Variants in EPHA6 observed in about 807,000 individuals in gnomAD.
The protein encoded by EPHA6 is EPH receptor A6.
A neutral mutation model predicts 112.0 loss-of-function variants in EPHA6; 50 were observed. That is an observed-to-expected ratio of 0.45 (90% CI 0.36 to 0.56). EPHA6 has a LOEUF of 0.56. Ranked by LOEUF, EPHA6 falls within the 20% of genes least tolerant of loss-of-function variation. EPHA6 has a pLI of 0.00. For missense variants in EPHA6, 1,280 were observed against 1,417.4 expected (o/e 0.90, Z 1.56); for synonymous variants, 529 against 490.7 (o/e 1.08, Z -1.03).
At chr3:97,548,250 T>C (rs866169310) in intron 11 of EPHA6, among the ~76,000 whole-genome samples, 1 of 152,102 alleles carries the variant, frequency 6.6e-6, no homozygotes, top group East Asian at 1.9e-4. Flanking sequence ...ATTATGGTTA[T>C]GCATTTTTGG....
intron 11 of EPHA6, among the ~76,000 whole-genome samples, chr3:97,578,765 T>C (rs1234597098): frequency 6.6e-6 from 1 of 152,226 alleles, no homozygotes; most frequent in Non-Finnish European, 1.5e-5. Context: ...TAACTAGATA[T>C]GCATCATAAA....
chr3:97,644,493 T>G (rs1190320878), intron 14 of EPHA6, among the ~76,000 whole-genome samples: 1 of 151,652 alleles, frequency 6.6e-6, no homozygotes, highest in African/African-American at 2.4e-5. Context: ...AATTAATGAA[T>G]CCAGGAGCTG....
intron 1 of EPHA6, among the ~76,000 whole-genome samples, chr3:96,839,845 ATTATT>A: frequency 6.6e-6 from 1 of 152,230 alleles, no homozygotes; most frequent in African/African-American, 2.4e-5. Context: ...AATCTATTAT[ATTATT>A]AGTATGTTTT....
At chr3:97,251,485 G>A (rs1338804659) in intron 5 of EPHA6, among the ~76,000 whole-genome samples, 1 of 151,758 alleles carries the variant, frequency 6.6e-6, no homozygotes, top group Non-Finnish European at 1.5e-5. Context: ...AGCTGAGATC[G>A]TCCCTCTGCA....
Position 97,305,469 on chromosome 3 carries a change from A to G in EPHA6, c.1606+61182A>G, listed in dbSNP as rs146372451. Among the ~76,000 whole-genome samples the G allele has an allele frequency of 8.8e-3, 1,338 of 152,086 alleles. 20 individuals carry two copies. Among genetic ancestry groups the G allele is most frequent in the African/African-American group, 0.03 (1,260 of 41,502 alleles). On this transcript the variant is annotated intron_variant, in intron 5 of 17. Transcript: ENST00000389672. ...ATAGCAGTGACATGAAATCAACCCA[A>G]ATGCCCATCAATGATAGACTGGATA...
intron 10 of EPHA6, among the ~76,000 whole-genome samples, chr3:97,490,574 A>G (rs1024423272): frequency 6.6e-6 from 1 of 152,170 alleles, no homozygotes; most frequent in Non-Finnish European, 1.5e-5. Context: ...CCTATTTTCA[A>G]AAGAGTTCTC....
At chr3:97,178,247 T>G (rs2076891931) in intron 3 of EPHA6, among the ~76,000 whole-genome samples, 1 of 152,102 alleles carries the variant, frequency 6.6e-6, no homozygotes, top group African/African-American at 2.4e-5. Flanking sequence ...GCCTTAACTT[T>G]TATCACACTG....
intron 3 of EPHA6, among the ~76,000 whole-genome samples, chr3:97,167,661 G>A (rs998001586): frequency 6.6e-6 from 1 of 151,930 alleles, no homozygotes; most frequent in Non-Finnish European, 1.5e-5. Context: ...AGATTATGTA[G>A]GTTCTTTTTA....
At chr3:97,450,010 A>AC (rs1302662384) in intron 7 of EPHA6, among the ~76,000 whole-genome samples, 1 of 152,082 alleles carries the variant, frequency 6.6e-6, no homozygotes, top group African/African-American at 2.4e-5. Flanking sequence ...AGTAAGAAAT[A>AC]CCCCACCTTA....
intron 3 of EPHA6, among the ~76,000 whole-genome samples, chr3:97,068,390 C>T (rs970315416): frequency 5.3e-4 from 81 of 152,026 alleles, no homozygotes; most frequent in Middle Eastern, 3.4e-3. Flanking sequence ...GAAACTTAAG[C>T]GCCTTTCTCT....
chr3:97,388,907 C>A (rs898844734), intron 5 of EPHA6, among the ~76,000 whole-genome samples: 3 of 152,048 alleles, frequency 2.0e-5, no homozygotes, highest in African/African-American at 7.2e-5. Flanking sequence ...TTCTGCAGCA[C>A]AGTGTTAGGC....
At position 97,318,200 on chromosome 3, in the gene EPHA6, C is replaced by T. The variant is rs377541759; in HGVS notation, c.1606+73913C>T. Among the ~76,000 whole-genome samples, 198 of 151,812 alleles carry T rather than the reference C, an allele frequency of 1.3e-3. 3 individuals are homozygous for T. The highest frequency in any genetic ancestry group is 4.4e-3 in the African/African-American group (181 of 41,306). ...TCCAGAATCATTTTAAAACTGAAAACGTAAAGATGACAACTATAGGAGGAC... is the reference window on the plus strand; with the variant it reads ...TCCAGAATCATTTTAAAACTGAAAATGTAAAGATGACAACTATAGGAGGAC... On this transcript the variant is annotated intron_variant, in intron 5 of 17. Coordinates refer to ENST00000389672, the MANE Select transcript of EPHA6 (RefSeq NM_001080448.3).
intron 5 of EPHA6, among the ~76,000 whole-genome samples, chr3:97,368,592 T>C (rs1486090866): frequency 6.6e-6 from 1 of 152,188 alleles, no homozygotes; most frequent in Non-Finnish European, 1.5e-5. Context: ...CACTTATTTA[T>C]CGAAGAATTT....
At chr3:97,043,910 G>A (rs1424224226) in intron 3 of EPHA6, among the ~76,000 whole-genome samples, 1 of 152,114 alleles carries the variant, frequency 6.6e-6, no homozygotes, top group South Asian at 2.1e-4. Flanking sequence ...ATGGCTGAAG[G>A]AATTTGTCCA....
intron 5 of EPHA6, among the ~76,000 whole-genome samples, chr3:97,363,210 ATATATATATATATATATATATATATAT>A (rs2084487970): frequency 3.4e-5 from 3 of 87,632 alleles, no homozygotes; most frequent in Admixed American, 1.1e-4. Context: ...ATATATATAT[ATATATATATATATATATATATATATAT>A]AAATCTCAGA....
intron 5 of EPHA6, among the ~76,000 whole-genome samples, chr3:97,402,477 AT>A (rs1025215119): frequency 6.6e-6 from 1 of 151,940 alleles, no homozygotes; most frequent in African/African-American, 2.4e-5. Context: ...TTTGGCTTGC[AT>A]TTGCATGGAA....
rs549931060 is a variant in EPHA6 at position 96,848,724 on chromosome 3, C to A, written c.386-18101C>A. On this transcript the variant is annotated intron_variant, in intron 1 of 17. Coordinates refer to ENST00000389672, the MANE Select transcript of EPHA6 (RefSeq NM_001080448.3). ...AAATAATTTAGGAGTGTTTTGGAAT[C>A]CTTTGAGACAGGGTAAATGTGTCAT... Among the ~76,000 whole-genome samples the A allele has an allele frequency of 4.6e-5, 7 of 152,106 alleles. No homozygotes were observed. In the South Asian group the frequency reaches 1.5e-3, roughly 32 times the overall value.
At chr3:97,206,551 A>T (rs533046377) in intron 3 of EPHA6, among the ~76,000 whole-genome samples, 2 of 152,126 alleles carry the variant, frequency 1.3e-5, no homozygotes, top group South Asian at 4.2e-4. Flanking sequence ...ACCTTTCCAT[A>T]GAAAAGGTCC....
intron 10 of EPHA6, among the ~76,000 whole-genome samples, chr3:97,512,755 G>T (rs1397230274): frequency 1.3e-5 from 2 of 152,062 alleles, no homozygotes; most frequent in East Asian, 3.9e-4. Context: ...AGTAGAGAAG[G>T]GGTTTCACCA....
Sources: gnomAD v4.1 joint callset for allele counts (sites outside exome capture counted in the v4.1 genomes callset) on GRCh38, gnomAD v4.1.1 for gene constraint, MANE v1.5 for transcripts, NCBI Gene and HGNC (gene_info 2026-07-23, HGNC 2026-07-21) for gene names.